Variants in SDK1 observed in about 807,000 individuals in gnomAD.
The protein encoded by SDK1 is protein sidekick-1.
In SDK1, 157 loss-of-function variants were observed where a neutral mutation model predicts 245.5. The observed-to-expected ratio is 0.64, with a 90% confidence interval of 0.56 to 0.73. The LOEUF (loss-of-function observed/expected upper bound fraction) is 0.73. SDK1 is among the 30% of genes least tolerant of loss of function. The pLI, the probability that SDK1 is intolerant of heterozygous loss-of-function variation, is 0.00. For missense variants in SDK1, 3,583 were observed against 3,002.3 expected (o/e 1.19, Z -4.52); for synonymous variants, 1,647 against 1,278.5 (o/e 1.29, Z -6.15).
At chr7:3,513,956 C>G (rs1782656536) in intron 1 of SDK1, among the ~76,000 whole-genome samples, 1 of 152,162 alleles carries the variant, frequency 6.6e-6, no homozygotes. Context: ...CTGCAAAAGA[C>G]AAGATTTTAT....
chr7:3,699,701 G>A (rs1583319553), intron 4 of SDK1, among the ~76,000 whole-genome samples: 1 of 152,062 alleles, frequency 6.6e-6, no homozygotes, highest in African/African-American at 2.4e-5. Context: ...AGAGAAAGAG[G>A]GTAGAGTTGA....
intron 17 of SDK1, among the ~76,000 whole-genome samples, chr7:4,019,086 C>A (rs191830968): frequency 9.2e-5 from 14 of 152,274 alleles, no homozygotes; most frequent in Admixed American, 2.6e-4. Flanking sequence ...TTCTGTACAA[C>A]AGGGCTGGGT....
intron 1 of SDK1, among the ~76,000 whole-genome samples, chr7:3,576,140 G>A (rs879390291): frequency 1.3e-5 from 2 of 152,106 alleles, no homozygotes; most frequent in Admixed American, 6.6e-5. Flanking sequence ...GCTGTCATCA[G>A]AATTTTCTAC....
chr7:3,429,833 C>G (rs1457386264), intron 1 of SDK1, among the ~76,000 whole-genome samples: 1 of 151,958 alleles, frequency 6.6e-6, no homozygotes, highest in Non-Finnish European at 1.5e-5. Context: ...TCAAGCAGTC[C>G]TCCTGCTTTG....
chr7:4,154,712 G>A (rs1056088668), intron 30 of SDK1, among the ~76,000 whole-genome samples: 1 of 152,110 alleles, frequency 6.6e-6, no homozygotes, highest in Non-Finnish European at 1.5e-5. Context: ...GTCCATAGCC[G>A]AATACAGCAA....
intron 28 of SDK1, among the ~76,000 whole-genome samples, chr7:4,141,633 A>T (rs956879865): frequency 8.5e-5 from 13 of 152,246 alleles, no homozygotes; most frequent in African/African-American, 3.1e-4. Context: ...GGTGGGATCC[A>T]TAGGAAAGGC....
chr7:4,190,719 A>G lies in SDK1; in HGVS notation c.5098+12133A>G, dbSNP rs138133196. Reference sequence around the variant, plus strand: ...TTCCCCATGCCAGGGAGTATTTCAGAATTCACGGCTTCCTTCAGGCTCTCT... The same window carrying G: ...TTCCCCATGCCAGGGAGTATTTCAGGATTCACGGCTTCCTTCAGGCTCTCT... On this transcript the variant is annotated intron_variant, in intron 35 of 44. Transcript: ENST00000404826. 9.9e-3 allele frequency among the ~76,000 whole-genome samples: 1,504 copies of G among 152,282 alleles called. 25 individuals carry two copies. The highest frequency in any genetic ancestry group is 0.034 in the African/African-American group (1,422 of 41,552).
intron 1 of SDK1, among the ~76,000 whole-genome samples, chr7:3,459,111 T>G (rs74985382): frequency 7.9e-5 from 12 of 152,180 alleles, no homozygotes; most frequent in African/African-American, 2.9e-4. Flanking sequence ...GACATCATTA[T>G]AGTATTGTAT....
At chr7:3,586,196 G>T (rs1305316323) in intron 1 of SDK1, among the ~76,000 whole-genome samples, 1 of 152,062 alleles carries the variant, frequency 6.6e-6, no homozygotes, top group Non-Finnish European at 1.5e-5. Flanking sequence ...CCTTGGGTGA[G>T]TGTCTTGGTG....
At chr7:3,672,769 A>ATATATATATATG (rs1783751147) in intron 4 of SDK1, among the ~76,000 whole-genome samples, 16 of 87,812 alleles carry the variant, frequency 1.8e-4, no homozygotes, top group Non-Finnish European at 1.4e-4. Context: ...TTATATATAT[A>ATATATATATATG]TATATATATA....
intron 4 of SDK1, among the ~76,000 whole-genome samples, chr7:3,817,193 G>A (rs12155434): frequency 0.033 from 5,072 of 152,242 alleles, 130 homozygotes; most frequent in Middle Eastern, 0.092. Context: ...AGTTTTGGGA[G>A]CTCATCATGA....
intron 17 of SDK1, among the ~76,000 whole-genome samples, chr7:4,039,200 T>C (rs1788427683): frequency 6.6e-6 from 1 of 151,756 alleles, no homozygotes; most frequent in Non-Finnish European, 1.5e-5. Flanking sequence ...ATACCTAATG[T>C]TAAATGACGA....
chr7:3,400,241 G>A (rs1778852834), intron 1 of SDK1, among the ~76,000 whole-genome samples: 1 of 152,152 alleles, frequency 6.6e-6, no homozygotes, highest in African/African-American at 2.4e-5. Flanking sequence ...CATGAACCAA[G>A]CCTTTCTAGC....
rs973944698 is a variant in SDK1, at chr7:4,193,194, A to G, written c.5099-12685A>G. Among the ~76,000 whole-genome samples, 3 of 133,108 alleles carry G rather than the reference A, an allele frequency of 2.3e-5. No homozygotes were observed. The South Asian group carries it at 6.6e-4, about 29-fold the overall frequency. 87.3% of individuals were successfully genotyped at this position (133,108 alleles called of 152,430 possible). A position where few individuals can be genotyped will look rare whatever the true frequency, so the allele number is the denominator to read the frequency against. ...ATTTATATATTGTATAAATATATTA[A>G]TATATTTATATATTAATATATATAT... On this transcript the variant is annotated intron_variant, in intron 35 of 44. Coordinates refer to ENST00000404826, the MANE Select transcript of SDK1 (RefSeq NM_152744.4).
chr7:3,589,439 A>G (rs545066046), intron 1 of SDK1, among the ~76,000 whole-genome samples: 2 of 152,262 alleles, frequency 1.3e-5, no homozygotes, highest in African/African-American at 2.4e-5. Flanking sequence ...GCGCCTCCCC[A>G]TGTCTTTTAG....
chr7:3,639,818 A>G (rs563173842), intron 3 of SDK1, among the ~76,000 whole-genome samples: 1 of 151,704 alleles, frequency 6.6e-6, no homozygotes, highest in South Asian at 2.1e-4. Context: ...GACATAACAT[A>G]TATAATTATA....
At chr7:3,629,486 T>G (rs1327585435) in intron 2 of SDK1, among the ~76,000 whole-genome samples, 1 of 152,108 alleles carries the variant, frequency 6.6e-6, no homozygotes, top group Non-Finnish European at 1.5e-5. Context: ...TCCCTGTGCT[T>G]ACACAGGACT....
At chr7:3,811,803 G>T (rs17133876) in intron 4 of SDK1, among the ~76,000 whole-genome samples, 1 of 152,214 alleles carries the variant, frequency 6.6e-6, no homozygotes, top group African/African-American at 2.4e-5. Flanking sequence ...TGCAGAAGCA[G>T]CCATTCTGTT....
intron 1 of SDK1, among the ~76,000 whole-genome samples, chr7:3,569,089 A>AT (rs1309546749): frequency 2.7e-5 from 4 of 146,790 alleles, no homozygotes; most frequent in Non-Finnish European, 6.0e-5. Flanking sequence ...ACGAGTCTGT[A>AT]TTTTTTTATA....
Sources: allele counts gnomAD v4.1 joint callset (sites outside exome capture counted in the v4.1 genomes callset), GRCh38; gene constraint gnomAD v4.1.1; transcripts MANE v1.5; gene names NCBI Gene and HGNC (gene_info 2026-07-23, HGNC 2026-07-21).